The following TENM3 variants were observed in gnomAD, a reference collection of about 807,000 sequenced individuals.
The protein encoded by TENM3 is teneurin-3.
In TENM3, 63 loss-of-function variants were observed where a neutral mutation model predicts 255.1. The ratio of observed to expected loss-of-function variants is 0.25; its 90% confidence interval spans 0.20 to 0.30. TENM3 has a LOEUF of 0.30. Ranked by LOEUF, TENM3 falls within the 10% of genes least tolerant of loss-of-function variation. The pLI is 1.00. For synonymous variants in TENM3, 1,306 were observed against 1,322.3 expected (o/e 0.99, Z 0.27); for missense variants, 2,929 against 3,461.1 (o/e 0.85, Z 3.86).
At chr4:182,259,380 A>G (rs1370590733) in intron 1 of TENM3, among the ~76,000 whole-genome samples, 1 of 152,102 alleles carries the variant, frequency 6.6e-6, no homozygotes, top group Admixed American at 6.6e-5. Flanking sequence ...TGGTGCAAAC[A>G]TGGGTTACTG....
chr4:181,662,606 G>A, the TENM3 span, among the ~76,000 whole-genome samples: 2 of 152,152 alleles, frequency 1.3e-5, no homozygotes, highest in African/African-American at 4.8e-5. Context: ...ATTGTGTCAC[G>A]ATTTTAATGT....
At chr4:181,756,589 C>T in the TENM3 span, among the ~76,000 whole-genome samples, 2 of 152,294 alleles carry the variant, frequency 1.3e-5, no homozygotes, top group South Asian at 2.1e-4. Context: ...TTTCTTGCCT[C>T]ATGACAGGCT....
the TENM3 span, among the ~76,000 whole-genome samples, chr4:181,917,750 C>T: frequency 6.6e-6 from 1 of 151,684 alleles, no homozygotes; most frequent in South Asian, 2.1e-4. Flanking sequence ...AAACCTCCGC[C>T]TCCCAGGTTC....
chr4:182,400,991 G>A (rs867324468), intron 3 of TENM3, among the ~76,000 whole-genome samples: 14 of 152,192 alleles, frequency 9.2e-5, no homozygotes, highest in Admixed American at 2.0e-4. Flanking sequence ...CTGCTGGTGC[G>A]TAGTGGATGT....
Position 182,517,415 on chromosome 4 carries a change from G to A in TENM3, c.512-83509G>A, listed in dbSNP as rs568017398. Among the ~76,000 whole-genome samples, 234 of 111,306 alleles carry A rather than the reference G, an allele frequency of 2.1e-3. 11 individuals carry two copies. Among genetic ancestry groups the A allele is most frequent in the African/African-American group, 7.9e-3 (216 of 27,328 alleles). The allele number at this position is 111,306 out of a possible 152,430, so 73.0% of individuals were successfully genotyped here. ...TTTTTTTTTTTTGAGACGGAGTCTC[G>A]CTCTGTCGCCCAGGCTGGAGTGCAG... On this transcript the variant is annotated intron_variant, in intron 3 of 27. Coordinates refer to ENST00000511685, the MANE Select transcript of TENM3 (RefSeq NM_001080477.4).
chr4:182,170,702 C>T (rs1193662348), intron 1 of TENM3, among the ~76,000 whole-genome samples: 1 of 151,634 alleles, frequency 6.6e-6, no homozygotes, highest in East Asian at 1.9e-4. Flanking sequence ...GATCTTTTTC[C>T]AAGTAAAAAG....
chr4:182,402,979 G>A (rs1022548482), intron 3 of TENM3, among the ~76,000 whole-genome samples: 5 of 152,298 alleles, frequency 3.3e-5, no homozygotes, highest in African/African-American at 1.2e-4. Context: ...TCCCAAAGCT[G>A]ATTTGTCTCA....
At chr4:182,081,510 G>A in the TENM3 span, among the ~76,000 whole-genome samples, 2 of 151,412 alleles carry the variant, frequency 1.3e-5, no homozygotes, top group Non-Finnish European at 2.9e-5. Context: ...CTTAAACCCG[G>A]GAGGCGGAGA....
chr4:182,529,850 C>T (rs1289557226), intron 3 of TENM3, among the ~76,000 whole-genome samples: 1 of 152,162 alleles, frequency 6.6e-6, no homozygotes, highest in Non-Finnish European at 1.5e-5. Context: ...GTGATAAATA[C>T]AGTAAGTAGA....
chr4:181,582,427 G>T, the TENM3 span, among the ~76,000 whole-genome samples: 2 of 152,152 alleles, frequency 1.3e-5, no homozygotes, highest in African/African-American at 4.8e-5. Flanking sequence ...GGCCCAGGCA[G>T]GTGCAGTTGG....
intron 3 of TENM3, among the ~76,000 whole-genome samples, chr4:182,363,678 G>C (rs1285120747): frequency 6.6e-6 from 1 of 152,024 alleles, no homozygotes; most frequent in Non-Finnish European, 1.5e-5. Flanking sequence ...ATATCCAAGA[G>C]AAATAGAAAT....
chr4:182,161,839 G>GTATATATATACACATATATATGTA lies in TENM3; in HGVS notation c.-76+17093_-76+17094insTACACATATATATGTATATATATA, dbSNP rs70954293. Among the ~76,000 whole-genome samples the GTATATATATACACATATATATGTA allele has an allele frequency of 1.2e-4, 2 of 17,228 alleles. 1 individual carries two copies. Among genetic ancestry groups the GTATATATATACACATATATATGTA allele is most frequent in the African/African-American group, 4.6e-4 (2 of 4,390 alleles). The allele number at this position is 17,228 out of a possible 152,430, so 11.3% of individuals were successfully genotyped here. ...TGTATATATATACACATATATATGTGTATATATACACAAATATATATGTGT... is the reference window on the plus strand; with the variant it reads ...TGTATATATATACACATATATATGTGTATATATATACACATATATATGTATATATATACACAAATATATATGTGT... On this transcript the variant is annotated intron_variant, in intron 1 of 2. Coordinates refer to the TENM3 transcript ENST00000512480.
intron 1 of TENM3, among the ~76,000 whole-genome samples, chr4:182,261,655 G>T (rs1758800718): frequency 6.6e-6 from 1 of 152,176 alleles, no homozygotes; most frequent in Non-Finnish European, 1.5e-5. Context: ...TTCCAGCAAA[G>T]GCTTTGGTAA....
chr4:182,643,105 C>T (rs548663676), intron 5 of TENM3, among the ~76,000 whole-genome samples: 14 of 152,296 alleles, frequency 9.2e-5, no homozygotes, highest in Admixed American at 5.9e-4. Flanking sequence ...GCGATACTTT[C>T]ATTTTACATT....
chr4:182,309,158 T>G (rs1190496043), intron 1 of TENM3, among the ~76,000 whole-genome samples: 3 of 152,188 alleles, frequency 2.0e-5, no homozygotes, highest in African/African-American at 7.2e-5. Flanking sequence ...GCTTACCTCC[T>G]TCAAGGAGGA....
chr4:181,513,573 T>G, the TENM3 span, among the ~76,000 whole-genome samples: 1 of 152,328 alleles, frequency 6.6e-6, no homozygotes, highest in African/African-American at 2.4e-5. Flanking sequence ...CAAGCTTATG[T>G]TAAGTCCAGA....
chr4:182,590,375 C>T (rs566968477), intron 3 of TENM3, among the ~76,000 whole-genome samples: 65 of 151,676 alleles, frequency 4.3e-4, no homozygotes, highest in African/African-American at 1.4e-3. Context: ...TGTTGATTCA[C>T]GCCTGTAACC....
chr4:181,601,527 C>T, the TENM3 span, among the ~76,000 whole-genome samples: 2 of 152,212 alleles, frequency 1.3e-5, no homozygotes, highest in East Asian at 3.9e-4. Flanking sequence ...TCTCTATGTC[C>T]TAATGTCCTC....
chr4:182,189,757 G>A (rs1271107788), intron 1 of TENM3, among the ~76,000 whole-genome samples: 1 of 152,132 alleles, frequency 6.6e-6, no homozygotes, highest in Admixed American at 6.5e-5. Context: ...TGGGGGTGGT[G>A]GGGGCCAGGC....
Sources: gnomAD v4.1 joint callset for allele counts (sites outside exome capture counted in the v4.1 genomes callset) on GRCh38, gnomAD v4.1.1 for gene constraint, MANE v1.5 for transcripts, NCBI Gene and HGNC (gene_info 2026-07-23, HGNC 2026-07-21) for gene names.